CCN3: variants seen among roughly 807,000 people sequenced by gnomAD.
The protein encoded by CCN3 is CCN family member 3.
A neutral mutation model predicts 33.4 loss-of-function variants in CCN3; 20 were observed. The observed-to-expected ratio is 0.60, with a 90% CI of 0.42 to 0.87. The LOEUF (loss-of-function observed/expected upper bound fraction) is 0.87. Ranked by LOEUF, CCN3 falls within the 40% of genes least tolerant of loss-of-function variation. CCN3 has a pLI of 0.00. For synonymous variants in CCN3, 205 were observed against 170.4 expected (o/e 1.20, Z -1.58); for missense variants, 465 against 455.3 (o/e 1.02, Z -0.19).
rs1004450417 is a variant in CCN3 at position 119,419,583 on chromosome 8, G to A, written c.777+238G>A. 7.2e-5 allele frequency among the ~76,000 whole-genome samples: 11 copies of A among 152,348 alleles called. No individual in the cohort carries two copies. The East Asian group carries it at 1.3e-3, about 19-fold the overall frequency. ...CCTCAGGTAAAGAGGGAGAGGGACC[G>A]GAAAACTATAATGCTTTTCCCAATA... On this transcript the variant is annotated intron_variant, in intron 4 of 4. Coordinates refer to ENST00000259526, the MANE Select transcript of CCN3 (RefSeq NM_002514.4).
At position 119,423,782 on chromosome 8, in the gene CCN3, C is replaced by A. The variant is rs1287316200; in HGVS notation, c.*650C>A. ...TGTCATAAACTTTCTCCATTTAAGA[C>A]ACATTGACTCCTTTCCAATAGAAAG... On this transcript the variant is annotated 3_prime_UTR_variant, in exon 5 of 5. Transcript: ENST00000259526. 1 of 152,180 alleles carries A rather than the reference C, an allele frequency of 6.6e-6. No homozygotes were observed. The highest frequency in any genetic ancestry group is 1.9e-4 in the East Asian group (1 of 5,196). 9.4% of individuals were successfully genotyped at this position (152,180 alleles called of 1,614,324 possible).
chr8:119,421,347 A>C (rs915070351), intron 4 of CCN3, among the ~76,000 whole-genome samples: 1 of 152,174 alleles, frequency 6.6e-6, no homozygotes, highest in African/African-American at 2.4e-5. Context: ...AACCAGCAGC[A>C]TCATCTAAGA....
At position 119,419,172 on chromosome 8, in the gene CCN3, T is replaced by G; in HGVS notation, c.604T>G (p.Ser202Ala). The stretch of plus-strand genomic sequence containing the variant: ...CACCCTAGGAGTAGAAGTCTCTGAC[T>G]CAAGTGTCAACTGCATTGAACAGAC... ...EATLGVEVSD[S>A]SVNCIEQTTE... The change falls in exon 4 of 5, where the codon TCA becomes GCA. Residue 202 changes from serine to alanine, a missense_variant. Ser to Ala is a moderately conservative substitution (Grantham distance 99, BLOSUM62 1). Coordinates refer to ENST00000259526, the MANE Select transcript of CCN3 (RefSeq NM_002514.4). 1 of 1,614,214 alleles carries G rather than the reference T, an allele frequency of 6.2e-7. No homozygotes were observed. Among genetic ancestry groups the G allele is most frequent in the East Asian group, 2.2e-5 (1 of 44,888 alleles).
rs377275651 is a variant in CCN3 at position 119,416,848 on chromosome 8, C to T, written c.189C>T (p.Cys63=). Reference sequence around the variant, plus strand: ...GCGCGGTGCTGGACGGCTGCTCATGCTGTCTGGTGTGTGCCCGCCAGCGTG... The same window carrying T: ...GCGCGGTGCTGGACGGCTGCTCATGTTGTCTGGTGTGTGCCCGCCAGCGTG... ...GVRAVLDGCS[C]CLVCARQRGE... The change falls in exon 2 of 5, where the codon TGC becomes TGT. Residue 63 remains cysteine (C), a synonymous_variant. Transcript: ENST00000259526. The T allele has an allele frequency of 2.5e-6, 4 of 1,612,876 alleles. No individual in the cohort carries two copies. The African/African-American group carries it at 5.3e-5, about 22-fold the overall frequency.
Position 119,423,427 on chromosome 8 carries a change from C to T in CCN3, c.*295C>T. 1 of 296,730 alleles carries T rather than the reference C, an allele frequency of 3.4e-6. No individual in the cohort carries two copies. 18.4% of individuals were successfully genotyped at this position (296,730 alleles called of 1,614,324 possible). A position where few individuals can be genotyped will look rare whatever the true frequency, so the allele number is the denominator to read the frequency against. ...TTTAAGAAAACAAGTATATAATTTA[C>T]TTTGTAGACTGTTTCACATTGCACT... On this transcript the variant is annotated 3_prime_UTR_variant, in exon 5 of 5. Coordinates refer to ENST00000259526, the MANE Select transcript of CCN3 (RefSeq NM_002514.4).
At chr8:119,420,860 A>G (rs1820113469) in intron 4 of CCN3, among the ~76,000 whole-genome samples, 1 of 151,820 alleles carries the variant, frequency 6.6e-6, no homozygotes, top group Non-Finnish European at 1.5e-5. Flanking sequence ...CAAAATTTGT[A>G]TTTTTTCTTG....
intron 4 of CCN3, among the ~76,000 whole-genome samples, chr8:119,422,291 C>T (rs1820136083): frequency 3.9e-5 from 6 of 152,102 alleles, no homozygotes; most frequent in Admixed American, 3.3e-4. Context: ...GAAAAATCTG[C>T]CCCCATGATC....
chr8:119,419,186 C>T lies in CCN3; in HGVS notation c.618C>T (p.Cys206=). 6.2e-7 allele frequency: 1 copy of T among 1,614,224 alleles called. No homozygotes were observed. The highest frequency in any genetic ancestry group is 8.5e-7 in the Non-Finnish European group (1 of 1,180,048). Residue 206 remains cysteine (C), a synonymous_variant, in exon 4 of 5, where the codon TGC becomes TGT. Coordinates refer to ENST00000259526, the MANE Select transcript of CCN3 (RefSeq NM_002514.4). ...GVEVSDSSVN[C]IEQTTEWTAC... Reference sequence around the variant, plus strand: ...AAGTCTCTGACTCAAGTGTCAACTGCATTGAACAGACCACAGAGTGGACAG... The same window carrying T: ...AAGTCTCTGACTCAAGTGTCAACTGTATTGAACAGACCACAGAGTGGACAG...
intron 3 of CCN3, among the ~76,000 whole-genome samples, chr8:119,418,726 T>C (rs1820086059): frequency 6.6e-6 from 1 of 152,196 alleles, no homozygotes; most frequent in South Asian, 2.1e-4. Context: ...TACTCATCCC[T>C]GCACAGGTGT....
rs564373370 is a variant in CCN3 at position 119,423,162 on chromosome 8, C to T, written c.*30C>T. On this transcript the variant is annotated 3_prime_UTR_variant, in exon 5 of 5. Coordinates refer to ENST00000259526, the MANE Select transcript of CCN3 (RefSeq NM_002514.4). ...TCACTCAAGAAGCACACCTACAGAG[C>T]ACCTGTAGCTGCTGCGCCACCCACC... 3 of 1,571,484 alleles carry T rather than the reference C, an allele frequency of 1.9e-6. No individual in the cohort carries two copies. The Admixed American group carries it at 5.2e-5, about 27-fold the overall frequency.
intron 4 of CCN3, among the ~76,000 whole-genome samples, chr8:119,422,156 C>CAG (rs773092018): frequency 2.7e-5 from 4 of 146,536 alleles, no homozygotes; most frequent in Admixed American, 6.8e-5. Flanking sequence ...CAGAGAGAGA[C>CAG]AGAGAGAGAG....
Position 119,423,888 on chromosome 8 carries a change from G to T in CCN3, c.*756G>T, listed in dbSNP as rs904281169. 1.3e-5 allele frequency: 2 copies of T among 152,140 alleles called. No individual in the cohort carries two copies. The highest frequency in any genetic ancestry group is 4.8e-5 in the African/African-American group (2 of 41,424). 9.4% of individuals were successfully genotyped at this position (152,140 alleles called of 1,614,324 possible). ...CATTTATATATTGGAAGCTGCTGAG[G>T]CCCCCAAGTTTTTTAATTAAGCAGA... On this transcript the variant is annotated 3_prime_UTR_variant, in exon 5 of 5. Transcript: ENST00000259526.
chr8:119,421,978 A>G (rs948880827), intron 4 of CCN3, among the ~76,000 whole-genome samples: 3 of 152,234 alleles, frequency 2.0e-5, no homozygotes, highest in Non-Finnish European at 4.4e-5. Context: ...AACATGTTGT[A>G]TTAGTCCATT....
intron 2 of CCN3, 72 bp downstream of exon 2, chr8:119,417,041 T>C (rs896578233): frequency 1.7e-5 from 22 of 1,280,938 alleles, no homozygotes; most frequent in South Asian, 2.8e-5. Flanking sequence ...CCTTCTCTTT[T>C]GTATTCCCCT....
At position 119,424,130 on chromosome 8, in the gene CCN3, T is replaced by C. The variant is rs1181834095; in HGVS notation, c.*998T>C. On this transcript the variant is annotated 3_prime_UTR_variant, in exon 5 of 5. Coordinates refer to ENST00000259526, the MANE Select transcript of CCN3 (RefSeq NM_002514.4). ...CCAAAACTTATCCTTGGGCCATAAT[T>C]ATGAAAACTCATGATCAAGATATAT... The C allele has an allele frequency of 6.6e-6, 1 of 152,222 alleles. No homozygotes were observed. The highest frequency in any genetic ancestry group is 1.5e-5 in the Non-Finnish European group (1 of 68,044). The allele number at this position is 152,222 out of a possible 1,614,324, so 9.4% of individuals were successfully genotyped here.
intron 3 of CCN3, 99 bp downstream of exon 3, chr8:119,418,408 A>G (rs1820082348): frequency 6.8e-7 from 1 of 1,469,596 alleles, no homozygotes; most frequent in East Asian, 2.3e-5. Context: ...AACTGGCCTC[A>G]GTTTCTGGTC....
intron 2 of CCN3, 146 bp downstream of exon 2, chr8:119,417,115 G>A: frequency 2.7e-6 from 2 of 733,252 alleles, no homozygotes; most frequent in Non-Finnish European, 4.3e-6. Context: ...CACTTACTGT[G>A]TGTCAGGCAT....
At chr8:119,421,831 T>C (rs1239928988) in intron 4 of CCN3, among the ~76,000 whole-genome samples, 2 of 152,246 alleles carry the variant, frequency 1.3e-5, no homozygotes, top group Non-Finnish European at 2.9e-5. Context: ...AGTTTCTTCA[T>C]CTGTAAAACT....
At chr8:119,422,786 C>T (rs1820142081) in intron 4 of CCN3, 50 bp from the exon 5 acceptor site, 4 of 1,471,148 alleles carry the variant, frequency 2.7e-6, no homozygotes, top group South Asian at 1.3e-5. Context: ...AAAATTGTCC[C>T]TCAGGGGAAT....
Sources: gnomAD v4.1 joint callset for allele counts (sites outside exome capture counted in the v4.1 genomes callset) on GRCh38, gnomAD v4.1.1 for gene constraint, MANE v1.5 for transcripts, NCBI Gene and HGNC (gene_info 2026-07-23, HGNC 2026-07-21) for gene names.